Variants in EVA1C observed in about 807,000 individuals in gnomAD.
EVA1C encodes eva-1 homolog C.
Under a neutral mutation model 45.4 loss-of-function variants are expected in EVA1C, and 25 were observed. The observed-to-expected ratio is 0.55, with a 90% CI of 0.40 to 0.77. The LOEUF (loss-of-function observed/expected upper bound fraction) is 0.77. Among genes scored for constraint, EVA1C ranks in the 30% least tolerant of loss-of-function variants. The pLI, the probability that EVA1C is intolerant of heterozygous loss-of-function variation, is 0.00. For synonymous variants in EVA1C, 190 were observed against 221.2 expected, an observed-to-expected ratio of 0.86 and a Z score of 1.25; for missense variants, 479 against 554.8, an observed-to-expected ratio of 0.86 and a Z score of 1.37.
At chr21:32,507,618 A>G (rs2037776737) in intron 7 of EVA1C, among the ~76,000 whole-genome samples, 1 of 147,956 alleles carries the variant, frequency 6.8e-6, no homozygotes, top group African/African-American at 2.5e-5. Flanking sequence ...ACATGTGTGT[A>G]CATGCGTATC....
chr21:32,459,443 CTG>C (rs2035915661), intron 3 of EVA1C, among the ~76,000 whole-genome samples: 1 of 152,254 alleles, frequency 6.6e-6, no homozygotes, highest in Admixed American at 6.5e-5. Context: ...TCACAGACGA[CTG>C]TGTCATAGCC....
At chr21:32,427,345 G>A (rs557769356) in intron 1 of EVA1C, among the ~76,000 whole-genome samples, 17 of 152,282 alleles carry the variant, frequency 1.1e-4, no homozygotes, top group Middle Eastern at 3.4e-3. Flanking sequence ...GTTTGGAAAC[G>A]CAGGCCTAAA....
chr21:32,497,317 G>A lies in EVA1C; in HGVS notation c.778+2147G>A, dbSNP rs2037385235. 8 of 646,928 alleles carry A rather than the reference G, an allele frequency of 1.2e-5. No homozygotes were observed. The South Asian group carries it at 1.3e-4, about 10-fold the overall frequency. The allele number at this position is 646,928 out of a possible 1,614,324, so 40.1% of individuals were successfully genotyped here. ...CCAGATTGGCAGAAAGTTGATATAGGTGGACTTTTTTAATGGGTCCGTTGA... is the reference window on the plus strand; with the variant it reads ...CCAGATTGGCAGAAAGTTGATATAGATGGACTTTTTTAATGGGTCCGTTGA... On this transcript the variant is annotated intron_variant, in intron 5 of 7. Coordinates refer to ENST00000300255, the MANE Select transcript of EVA1C (RefSeq NM_058187.5).
At chr21:32,506,666 G>A (rs966676812) in intron 7 of EVA1C, among the ~76,000 whole-genome samples, 9 of 152,116 alleles carry the variant, frequency 5.9e-5, no homozygotes, top group African/African-American at 2.2e-4. Context: ...CACTCTAGAG[G>A]TGGGAAGCAT....
chr21:32,495,190 C>T lies in EVA1C; in HGVS notation c.778+20C>T. 1 of 1,611,426 alleles carries T rather than the reference C, an allele frequency of 6.2e-7. No individual in the cohort carries two copies. Among genetic ancestry groups the T allele is most frequent in the African/African-American group, 1.3e-5 (1 of 74,978 alleles). Reference sequence around the variant, plus strand: ...CATGTGGTAAGAACACACCCCCGACCAGCTGCCTGATGACACTGCCTCTTT... The same window carrying T: ...CATGTGGTAAGAACACACCCCCGACTAGCTGCCTGATGACACTGCCTCTTT... On this transcript the variant is annotated intron_variant, in intron 5 of 7. Coordinates refer to ENST00000300255, the MANE Select transcript of EVA1C (RefSeq NM_058187.5).
chr21:32,511,571 C>T (rs1235561711), intron 7 of EVA1C, among the ~76,000 whole-genome samples: 6 of 151,776 alleles, frequency 4.0e-5, no homozygotes, highest in Admixed American at 2.0e-4. Context: ...AATACATAAG[C>T]ATGTGAAGAC....
chr21:32,485,610 A>ACCTT (rs1490291092), intron 4 of EVA1C, among the ~76,000 whole-genome samples: 4 of 151,876 alleles, frequency 2.6e-5, no homozygotes, highest in African/African-American at 9.7e-5. Flanking sequence ...TAGATTCCTT[A>ACCTT]ATTTCTTGTT....
At chr21:32,488,995 T>C (rs373537897) in intron 4 of EVA1C, among the ~76,000 whole-genome samples, 8 of 152,402 alleles carry the variant, frequency 5.2e-5, no homozygotes, top group African/African-American at 1.9e-4. Flanking sequence ...TCCTTATATA[T>C]TTGAATATTA....
chr21:32,434,362 T>C (rs892317130), intron 1 of EVA1C, among the ~76,000 whole-genome samples: 1 of 145,600 alleles, frequency 6.9e-6, no homozygotes, highest in African/African-American at 2.5e-5. Flanking sequence ...GAGGCCGAGA[T>C]GGGCGGATCA....
Position 32,491,694 on chromosome 21 carries a change from A to G in EVA1C, c.635-3333A>G, listed in dbSNP as rs529994490. 7.9e-4 allele frequency among the ~76,000 whole-genome samples: 115 copies of G among 146,102 alleles called. 1 individual carries two copies. Among genetic ancestry groups the G allele is most frequent in the African/African-American group, 1.4e-3 (50 of 36,836 alleles). On this transcript the variant is annotated intron_variant, in intron 4 of 7. Coordinates refer to ENST00000300255, the MANE Select transcript of EVA1C (RefSeq NM_058187.5). The stretch of plus-strand genomic sequence containing the variant: ...GCGAGACTCTGTCAAAAAAAAAAAA[A>G]AAAAAAAAAAAAGCACAGTGGAGGG...
chr21:32,468,792 A>G (rs978964973), intron 4 of EVA1C, among the ~76,000 whole-genome samples: 68 of 152,214 alleles, frequency 4.5e-4, no homozygotes, highest in African/African-American at 1.6e-3. Context: ...CCACTGACTC[A>G]AACGTTAATC....
chr21:32,475,878 TTTA>T (rs1568924409), intron 4 of EVA1C, among the ~76,000 whole-genome samples: 4 of 147,984 alleles, frequency 2.7e-5, no homozygotes, highest in Non-Finnish European at 6.0e-5. Context: ...TTCTAAAAAC[TTTA>T]TCTATCTATC....
At chr21:32,475,680 G>A (rs1053093879) in intron 4 of EVA1C, among the ~76,000 whole-genome samples, 18 of 151,956 alleles carry the variant, frequency 1.2e-4, no homozygotes, top group African/African-American at 4.4e-4. Flanking sequence ...TTACGTAACT[G>A]TTCCCTGGTG....
chr21:32,484,509 G>A (rs937943627), intron 4 of EVA1C, among the ~76,000 whole-genome samples: 11 of 150,452 alleles, frequency 7.3e-5, no homozygotes, highest in Admixed American at 4.7e-4. Context: ...ATGCCAATGC[G>A]CTCCAGCCTG....
chr21:32,429,293 G>C (rs979456429), intron 1 of EVA1C, among the ~76,000 whole-genome samples: 1 of 151,596 alleles, frequency 6.6e-6, no homozygotes, highest in Non-Finnish European at 1.5e-5. Flanking sequence ...CTCCTGCCTC[G>C]GCCTCCCAAA....
rs2037488229 is a variant in EVA1C at position 32,500,324 on chromosome 21, A to G, written c.779-1091A>G. On this transcript the variant is annotated intron_variant, in intron 5 of 7. Coordinates refer to ENST00000300255, the MANE Select transcript of EVA1C (RefSeq NM_058187.5). Reference sequence around the variant, plus strand: ...GTGAGCACATCCGGCTAATTTTTGTATCTTTTAGTAGAGATGGGGTTTCGC... The same window carrying G: ...GTGAGCACATCCGGCTAATTTTTGTGTCTTTTAGTAGAGATGGGGTTTCGC... 2.8e-5 allele frequency among the ~76,000 whole-genome samples: 4 copies of G among 144,810 alleles called. No individual in the cohort carries two copies. The Admixed American group carries it at 3.0e-4, about 11-fold the overall frequency.
chr21:32,490,085 T>C, intron 4 of EVA1C, among the ~76,000 whole-genome samples: 1 of 152,308 alleles, frequency 6.6e-6, no homozygotes, highest in Admixed American at 6.5e-5. Flanking sequence ...ATTACAGACA[T>C]GAGCCACCAT....
chr21:32,447,694 ACTTTT>A (rs1317408667), intron 1 of EVA1C, among the ~76,000 whole-genome samples: 1 of 151,130 alleles, frequency 6.6e-6, no homozygotes, highest in Non-Finnish European at 1.5e-5. Flanking sequence ...ACTTCCACTC[ACTTTT>A]CTTTTTTCTT....
chr21:32,411,778 T>C (rs539996369), upstream of EVA1C, among the ~76,000 whole-genome samples: 8 of 152,264 alleles, frequency 5.3e-5, no homozygotes, highest in East Asian at 1.2e-3. Flanking sequence ...GCGCGATCCA[T>C]AGGGTTTGGG....
Sources: gnomAD v4.1 joint callset for allele counts (sites outside exome capture counted in the v4.1 genomes callset) on GRCh38, gnomAD v4.1.1 for gene constraint, MANE v1.5 for transcripts, NCBI Gene and HGNC (gene_info 2026-07-23, HGNC 2026-07-21) for gene names.